MAST4: variants seen among roughly 807,000 people sequenced by gnomAD.
MAST4 encodes microtubule-associated serine/threonine-protein kinase 4.
In MAST4, 89 loss-of-function variants were observed where a neutral mutation model predicts 162.7. The observed-to-expected ratio is 0.55, with a 90% CI of 0.46 to 0.65. The LOEUF is 0.65. Ranked by LOEUF, MAST4 falls within the 30% of genes least tolerant of loss-of-function variation. The pLI is 0.00. For synonymous variants in MAST4, 1,479 were observed against 1,361.1 expected, an observed-to-expected ratio of 1.09 and a Z score of -1.91; for missense variants, 3,153 against 3,374.0, an observed-to-expected ratio of 0.93 and a Z score of 1.62.
rs372282977 is a variant in MAST4, at chr5:67,104,504, T to A, written c.1285T>A (p.Ser429Thr). Residue 429 changes from serine (S) to threonine (T), a missense_variant, in exon 10 of 29, where the codon TCC (serine) becomes ACC (threonine). Transcript: ENST00000403625. ...ACTGGCTCGAGATTGCTTGGATAAA[T>A]CCCACCAGGGCCTCATCACCTCACG... is the stretch of plus-strand genomic sequence containing the variant. ...IELARDCLDK[S>T]HQGLITSRYF... 2.6e-5 allele frequency: 42 copies of A among 1,613,894 alleles called. No homozygotes were observed. Among genetic ancestry groups the A allele is most frequent in the African/African-American group, 1.7e-4 (13 of 75,032 alleles).
At chr5:66,883,422 GTTTT>G (rs36071165) in intron 3 of MAST4, among the ~76,000 whole-genome samples, 15,706 of 96,718 alleles carry the variant, frequency 0.16, 1,069 homozygotes, top group Admixed American at 0.19. Flanking sequence ...TTCTGTCACT[GTTTT>G]TTTTTTTTTT....
At chr5:66,813,889 C>G (rs140646401) in intron 3 of MAST4, among the ~76,000 whole-genome samples, 2 of 152,326 alleles carry the variant, frequency 1.3e-5, no homozygotes, top group East Asian at 1.9e-4. Context: ...ATGCTGCACT[C>G]TTACATTGCT....
chr5:66,680,934 A>T (rs1458190300), intron 1 of MAST4, among the ~76,000 whole-genome samples: 1 of 152,188 alleles, frequency 6.6e-6, no homozygotes, highest in Admixed American at 6.5e-5. Context: ...CTGGTCATTG[A>T]CACTCTTCTG....
intron 24 of MAST4, among the ~76,000 whole-genome samples, chr5:67,150,521 C>G (rs1771671561): frequency 6.6e-6 from 1 of 152,194 alleles, no homozygotes; most frequent in Non-Finnish European, 1.5e-5. Context: ...ACCTGTATCC[C>G]TAGTCTGTGT....
intron 4 of MAST4, among the ~76,000 whole-genome samples, chr5:66,942,860 A>G (rs1431857143): frequency 1.3e-5 from 2 of 152,042 alleles, no homozygotes; most frequent in Non-Finnish European, 2.9e-5. Flanking sequence ...TGGCTTATAA[A>G]CAGAAACTTA....
chr5:66,824,915 T>C (rs1228660997), intron 3 of MAST4, among the ~76,000 whole-genome samples: 1 of 152,212 alleles, frequency 6.6e-6, no homozygotes, highest in Non-Finnish European at 1.5e-5. Context: ...GAATGGAGCT[T>C]GCAGGATTGG....
intron 4 of MAST4, among the ~76,000 whole-genome samples, chr5:66,900,816 T>TA (rs1383767122): frequency 6.6e-6 from 1 of 152,178 alleles, no homozygotes; most frequent in African/African-American, 2.4e-5. Context: ...TATTCTAGGC[T>TA]AAATTTTGGA....
intron 3 of MAST4, among the ~76,000 whole-genome samples, chr5:66,837,134 G>A (rs1178105084): frequency 4.0e-5 from 6 of 151,778 alleles, no homozygotes; most frequent in Admixed American, 2.6e-4. Flanking sequence ...ACCTCTTACT[G>A]CCTGATGTTG....
intron 1 of MAST4, among the ~76,000 whole-genome samples, chr5:66,709,072 A>G (rs1561277702): frequency 6.6e-6 from 1 of 151,980 alleles, no homozygotes; most frequent in African/African-American, 2.4e-5. Flanking sequence ...CACCTGAAAT[A>G]TTTTTTTGCA....
At chr5:66,903,270 A>G (rs973441189) in intron 4 of MAST4, among the ~76,000 whole-genome samples, 3 of 152,192 alleles carry the variant, frequency 2.0e-5, no homozygotes, top group African/African-American at 4.8e-5. Flanking sequence ...GATAGTGTGT[A>G]TATGGGTGTT....
intron 4 of MAST4, among the ~76,000 whole-genome samples, chr5:66,936,783 C>G (rs1009211278): frequency 6.6e-6 from 1 of 152,124 alleles, no homozygotes; most frequent in Admixed American, 6.5e-5. Context: ...CAATACCTGA[C>G]GAATATTACC....
rs1373339155 is a variant in MAST4 at position 66,596,844 on chromosome 5, G to T, written c.189G>T (p.Pro63=). The stretch of plus-strand genomic sequence containing the variant: ...GCGGCTTCTCCAGAGAGCATCAGCC[G>T]CCGCCGCCGCCGCCGTTGGGAGGCA... ...EPGGFSREHQ[P]PPPPPLGGTL... The change falls in exon 1 of 29, where the codon CCG becomes CCT. Residue 63 remains proline, a synonymous_variant. Transcript: ENST00000403625. The T allele has an allele frequency of 6.9e-6, 9 of 1,296,074 alleles. No homozygotes were observed. The highest frequency in any genetic ancestry group is 7.8e-6 in the Non-Finnish European group (8 of 1,023,038). 80.3% of individuals were successfully genotyped at this position (1,296,074 alleles called of 1,614,324 possible).
At chr5:67,116,906 G>C (rs568339238) in intron 12 of MAST4, among the ~76,000 whole-genome samples, 21 of 152,128 alleles carry the variant, frequency 1.4e-4, no homozygotes, top group Non-Finnish European at 2.9e-4. Context: ...CCTTAGACTT[G>C]TCCTTTGAAG....
At chr5:66,753,478 G>A (rs6860002) in intron 1 of MAST4, among the ~76,000 whole-genome samples, 46 of 151,672 alleles carry the variant, frequency 3.0e-4, no homozygotes, top group South Asian at 6.4e-4. Flanking sequence ...TATCACCACC[G>A]ATCCCACAGA....
intron 1 of MAST4, among the ~76,000 whole-genome samples, chr5:66,712,391 T>C (rs1750551736): frequency 6.6e-6 from 1 of 152,188 alleles, no homozygotes; most frequent in South Asian, 2.1e-4. Flanking sequence ...ATTACACCCA[T>C]TGTTAGCCCC....
intron 1 of MAST4, among the ~76,000 whole-genome samples, chr5:66,700,800 TACACAC>T (rs10522165): frequency 2.5e-4 from 23 of 91,164 alleles, no homozygotes; most frequent in Non-Finnish European, 2.5e-4. Flanking sequence ...TATATATATA[TACACAC>T]ACACACACAC....
intron 1 of MAST4, among the ~76,000 whole-genome samples, chr5:66,677,567 T>C (rs1213914971): frequency 6.6e-6 from 1 of 152,144 alleles, no homozygotes; most frequent in East Asian, 1.9e-4. Context: ...AAAAAATCCC[T>C]CTCTCCTGCA....
At chr5:66,659,448 G>A (rs1422305049) in intron 1 of MAST4, among the ~76,000 whole-genome samples, 2 of 152,186 alleles carry the variant, frequency 1.3e-5, no homozygotes, top group Non-Finnish European at 2.9e-5. Flanking sequence ...GTAAACACAT[G>A]TTAAAGTGTT....
At chr5:67,135,883 A>G (rs564502138) in intron 18 of MAST4, among the ~76,000 whole-genome samples, 1 of 152,244 alleles carries the variant, frequency 6.6e-6, no homozygotes, top group Admixed American at 6.5e-5. Context: ...ATTTCCGTAC[A>G]CACAAGCACG....
Sources: gnomAD v4.1 joint callset for allele counts (sites outside exome capture counted in the v4.1 genomes callset) on GRCh38, gnomAD v4.1.1 for gene constraint, MANE v1.5 for transcripts, NCBI Gene and HGNC (gene_info 2026-07-23, HGNC 2026-07-21) for gene names.